The following SASH1 variants were observed in gnomAD, a reference collection of about 807,000 sequenced individuals.
The protein encoded by SASH1 is SAM and SH3 domain containing 1, also known as SAM and SH3 domain-containing protein 1.
A neutral mutation model predicts 125.2 loss-of-function variants in SASH1; 44 were observed. The observed-to-expected ratio is 0.35, with a 90% CI of 0.28 to 0.45. SASH1 has a LOEUF of 0.45. Ranked by LOEUF, SASH1 falls within the 20% of genes least tolerant of loss-of-function variation. The pLI is 1.00. For missense variants in SASH1, 1,426 were observed against 1,614.5 expected, an observed-to-expected ratio of 0.88 and a Z score of 2.00; for synonymous variants, 639 against 649.1, an observed-to-expected ratio of 0.98 and a Z score of 0.24.
At position 148,549,296 on chromosome 6, in the gene SASH1, G is replaced by T; in HGVS notation, c.*738G>T. ...TTTTCTAATCGTCTCATTGTAACAT[G>T]GCTTATTTTGTAGAGGTATTCATCA... On this transcript the variant is annotated 3_prime_UTR_variant, in exon 20 of 20. Coordinates refer to ENST00000367467, the MANE Select transcript of SASH1 (RefSeq NM_015278.5). 3.8e-6 allele frequency: 1 copy of T among 263,964 alleles called. No individual in the cohort carries two copies. The highest frequency in any genetic ancestry group is 7.1e-6 in the Non-Finnish European group (1 of 141,586). The allele number at this position is 263,964 out of a possible 1,614,324, so 16.4% of individuals were successfully genotyped here. A position where few individuals can be genotyped will look rare whatever the true frequency, so the allele number is the denominator to read the frequency against.
intron 1 of SASH1, among the ~76,000 whole-genome samples, chr6:148,313,132 G>T (rs1250734703): frequency 2.0e-5 from 3 of 152,342 alleles, no homozygotes; most frequent in South Asian, 2.1e-4. Context: ...TATTGTAGAA[G>T]TGGGGAACTA....
the SASH1 span, among the ~76,000 whole-genome samples, chr6:148,212,173 A>G: frequency 2.0e-5 from 3 of 152,222 alleles, no homozygotes; most frequent in African/African-American, 7.2e-5. Flanking sequence ...GGAGTTTAGG[A>G]GAACCGGGAG....
intron 8 of SASH1, chr6:148,512,692 C>T (rs936280048): frequency 9.1e-6 from 9 of 985,324 alleles, no homozygotes; most frequent in Non-Finnish European, 1.1e-5. Context: ...CCCACCGTTA[C>T]CTGGGAGTCC....
the SASH1 span, among the ~76,000 whole-genome samples, chr6:148,195,569 C>T: frequency 1.3e-5 from 2 of 152,174 alleles, no homozygotes; most frequent in Admixed American, 1.3e-4. Context: ...AAAATTCTCC[C>T]CTCATTTTGA....
intron 7 of SASH1, among the ~76,000 whole-genome samples, chr6:148,486,930 A>G (rs1778871491): frequency 1.1e-5 from 1 of 92,648 alleles, no homozygotes; most frequent in Non-Finnish European, 2.1e-5. Flanking sequence ...CTCAACAACA[A>G]CAACAAATAT....
upstream of SASH1, among the ~76,000 whole-genome samples, chr6:148,338,664 T>C (rs1340274296): frequency 6.6e-6 from 1 of 152,032 alleles, no homozygotes; most frequent in Admixed American, 6.6e-5. Context: ...GTTGTGATGA[T>C]GATGATGATG....
chr6:148,525,134 CAT>C lies in SASH1; in HGVS notation c.1210-156_1210-155del, dbSNP rs779547329. 199 of 640,190 alleles carry C rather than the reference CAT, an allele frequency of 3.1e-4. 1 individual carries two copies. Among genetic ancestry groups the C allele is most frequent in the Middle Eastern group, 8.5e-4 (3 of 3,524 alleles). 39.7% of individuals were successfully genotyped at this position (640,190 alleles called of 1,614,324 possible). The stretch of plus-strand genomic sequence containing the variant: ...AGTGAAGTTTCCTTACGACATGACT[CAT>C]GTGTTTTTTTCTCATCATTTCTCGT... On this transcript the variant is annotated intron_variant, in intron 10 of 19. Transcript: ENST00000367467.
the SASH1 span, among the ~76,000 whole-genome samples, chr6:148,196,703 T>C: frequency 6.6e-6 from 1 of 152,114 alleles, no homozygotes. Flanking sequence ...CAAAATATAA[T>C]TGTGAGATAA....
intron 1 of SASH1, among the ~76,000 whole-genome samples, chr6:148,297,960 T>A (rs1261823317): frequency 6.6e-6 from 1 of 152,142 alleles, no homozygotes; most frequent in East Asian, 1.9e-4. Context: ...TAGCATTCAT[T>A]AAAACAGAAT....
intron 2 of SASH1, among the ~76,000 whole-genome samples, chr6:148,398,624 G>A (rs781681503): frequency 1.3e-5 from 2 of 152,076 alleles, no homozygotes; most frequent in Non-Finnish European, 2.9e-5. Context: ...GAACTGTGCC[G>A]CACACTATCC....
At chr6:148,508,732 G>A (rs1219243374) in intron 8 of SASH1, 2 of 1,233,000 alleles carry the variant, frequency 1.6e-6, no homozygotes, top group Admixed American at 5.6e-5. Flanking sequence ...ACTCCAGAGA[G>A]ACATGTTCCA....
chr6:148,524,121 ATT>A (rs796565408), intron 10 of SASH1, among the ~76,000 whole-genome samples: 2,709 of 128,580 alleles, frequency 0.021, 45 homozygotes, highest in Non-Finnish European at 0.033. Context: ...ATATATATAT[ATT>A]TTTTTTAATG....
intron 8 of SASH1, among the ~76,000 whole-genome samples, chr6:148,496,865 C>T (rs1371625216): frequency 2.0e-5 from 3 of 150,682 alleles, no homozygotes; most frequent in Admixed American, 2.0e-4. Flanking sequence ...AGAGCGAGAC[C>T]CTGTCTCAAA....
At chr6:148,289,119 C>T (rs942422857) in intron 1 of SASH1, among the ~76,000 whole-genome samples, 5 of 152,026 alleles carry the variant, frequency 3.3e-5, no homozygotes, top group African/African-American at 1.2e-4. Flanking sequence ...TAGCTGGAAC[C>T]CCTTTTTCTT....
At chr6:148,301,910 T>C (rs11759173) in intron 1 of SASH1, among the ~76,000 whole-genome samples, 97,436 of 151,624 alleles carry the variant, frequency 0.64, 31,575 homozygotes, top group South Asian at 0.69. Context: ...AGTTCTATAT[T>C]AAAAACAACT....
chr6:148,544,570 G>A lies in SASH1; in HGVS notation c.3100G>A (p.Asp1034Asn), dbSNP rs759189559. ...CCCCGCCAGCCCCACCAGCCCTAGC[G>A]ACTGTCCCCCAGCACTGGCTCCCAG... ...GSPASPTSPS[D>N]CPPALAPRPL... The change falls in exon 18 of 20, where the codon GAC (aspartate) becomes AAC (asparagine). Residue 1034 changes from aspartate (D) to asparagine (N), a missense_variant. By Grantham distance (23) the Asp-to-Asn change is conservative. Transcript: ENST00000367467. The surrounding 1 kb of genome is among the most constrained non-coding windows in gnomAD (Gnocchi z 6.4). 20 of 1,613,112 alleles carry A rather than the reference G, an allele frequency of 1.2e-5. No homozygotes were observed. The highest frequency in any genetic ancestry group is 8.8e-5 in the South Asian group (8 of 91,064).
intron 6 of SASH1, among the ~76,000 whole-genome samples, chr6:148,472,536 T>C (rs1778167296): frequency 1.3e-5 from 2 of 151,512 alleles, no homozygotes; most frequent in Non-Finnish European, 1.5e-5. Flanking sequence ...TACCAGCTAA[T>C]GTGGATTTTT....
intron 1 of SASH1, among the ~76,000 whole-genome samples, chr6:148,351,246 T>C (rs1015979309): frequency 3.3e-5 from 5 of 150,952 alleles, no homozygotes; most frequent in Non-Finnish European, 7.4e-5. Flanking sequence ...TTCAAGATGA[T>C]TGGTGAAAAT....
chr6:148,221,197 A>AT, the SASH1 span, among the ~76,000 whole-genome samples: 865 of 151,678 alleles, frequency 5.7e-3, 10 homozygotes, highest in African/African-American at 0.02. Context: ...GAGGTCATTT[A>AT]TTTTTTTTTA....
Sources: allele counts gnomAD v4.1 joint callset (sites outside exome capture counted in the v4.1 genomes callset), GRCh38; gene constraint gnomAD v4.1.1; non-coding constraint Gnocchi (gnomAD v3.1); transcripts MANE v1.5; gene names NCBI Gene and HGNC (gene_info 2026-07-23, HGNC 2026-07-21).